Variants in TMEM94 observed in about 807,000 individuals in gnomAD.
TMEM94 encodes transmembrane protein 94, also known as ER Mg2+ ATPase.
Under a neutral mutation model 158.6 loss-of-function variants are expected in TMEM94, and 81 were observed. The observed-to-expected ratio is 0.51, with a 90% CI of 0.43 to 0.61. The LOEUF is 0.61. TMEM94 is among the 20% of genes least tolerant of loss of function. The pLI is 0.00. For missense variants in TMEM94, 1,435 were observed against 1,762.0 expected (o/e 0.81, Z 3.32); for synonymous variants, 751 against 730.7 (o/e 1.03, Z -0.45).
At chr17:75,475,169 G>T (rs1251433298) in intron 2 of TMEM94, among the ~76,000 whole-genome samples, 1 of 152,182 alleles carries the variant, frequency 6.6e-6, no homozygotes, top group Non-Finnish European at 1.5e-5. Flanking sequence ...CCTCACAGTG[G>T]CTGGCGTGGA....
chr17:75,471,888 C>T lies in TMEM94; in HGVS notation c.-18C>T, dbSNP rs771387092. On this transcript the variant is annotated 5_prime_UTR_variant, in exon 2 of 32. Coordinates refer to ENST00000314256, the MANE Select transcript of TMEM94 (RefSeq NM_014738.6). ...GGTGACCACATTCATCTGGGCATGCCTGCAGTACTCTTGGCCCATGGACCT... is the reference window on the plus strand; with the variant it reads ...GGTGACCACATTCATCTGGGCATGCTTGCAGTACTCTTGGCCCATGGACCT... 6.8e-6 allele frequency: 11 copies of T among 1,613,878 alleles called. No individual in the cohort carries two copies. In the South Asian group the frequency reaches 1.2e-4, roughly 18 times the overall value.
Position 75,492,872 on chromosome 17 carries a change from G to T in TMEM94, c.1913-57G>T. On this transcript the variant is annotated intron_variant, in intron 15 of 31. Transcript: ENST00000314256. This position sits in a 1 kb window ranked among gnomAD's most constrained non-coding sequence, Gnocchi z 4.4. ...GTACCAACTCCTCACGGGACTTAAT[G>T]GACCTGGCAGGGTATTGCCAGGGCA... The T allele has an allele frequency of 1.3e-6, 2 of 1,586,160 alleles. No homozygotes were observed. The highest frequency in any genetic ancestry group is 8.6e-7 in the Non-Finnish European group (1 of 1,164,220).
intron 2 of TMEM94, among the ~76,000 whole-genome samples, chr17:75,473,391 T>C (rs2050566036): frequency 6.6e-6 from 1 of 152,222 alleles, no homozygotes; most frequent in Non-Finnish European, 1.5e-5. Flanking sequence ...GCAAGGGCTC[T>C]GCACTGCTCA....
intron 16 of TMEM94, 28 bp from the exon 17 acceptor site, chr17:75,493,462 AC>A: frequency 6.2e-7 from 1 of 1,605,928 alleles, no homozygotes; most frequent in South Asian, 1.1e-5. Context: ...CTGGTTAGCG[AC>A]ACTCAGGGTT....
In TMEM94 at chr17:75,494,922, G is replaced by A; in HGVS notation, c.2616G>A (p.Glu872=). The A allele has an allele frequency of 6.2e-7, 1 of 1,613,498 alleles. No homozygotes were observed. The highest frequency in any genetic ancestry group is 8.5e-7 in the Non-Finnish European group (1 of 1,180,022). Reference sequence around the variant, plus strand: ...TGTTTGCAGAAAAAATGGGCCTGGAGACAGGCTGGAACTGCCACATCTCCC... The same window carrying A: ...TGTTTGCAGAAAAAATGGGCCTGGAAACAGGCTGGAACTGCCACATCTCCC... ...SKVFAEKMGL[E]TGWNCHISLT... Residue 872 remains glutamate (E), a synonymous_variant, in exon 20 of 32, where the codon GAG becomes GAA. Transcript: ENST00000314256.
chr17:75,465,358 G>C lies in TMEM94; in HGVS notation c.-106-6442G>C, dbSNP rs369207114. 6.6e-5 allele frequency among the ~76,000 whole-genome samples: 10 copies of C among 151,888 alleles called. 1 individual carries two copies. Among genetic ancestry groups the C allele is most frequent in the African/African-American group, 2.4e-4 (10 of 41,410 alleles). ...TTGTTTCCCAATAATTAATGTTGTT[G>C]ACCATCTTTTCATATTCATATTGAC... On this transcript the variant is annotated intron_variant, in intron 1 of 31. Coordinates refer to ENST00000314256, the MANE Select transcript of TMEM94 (RefSeq NM_014738.6).
intron 2 of TMEM94, among the ~76,000 whole-genome samples, chr17:75,482,562 A>ATGTC (rs966232728): frequency 7.1e-6 from 1 of 141,070 alleles, no homozygotes; most frequent in Non-Finnish European, 1.5e-5. Context: ...GTATGTATGT[A>ATGTC]TGTATGTATA....
rs772368994 is a variant in TMEM94 at position 75,497,187 on chromosome 17, C to T, written c.3396C>T (p.Tyr1132=). 4 of 1,613,742 alleles carry T rather than the reference C, an allele frequency of 2.5e-6. No individual in the cohort carries two copies. Among genetic ancestry groups the T allele is most frequent in the Admixed American group, 3.3e-5 (2 of 60,008 alleles). ...TCCTGTGGCTGTCCTGCTTTTGCTA[C>T]CCTCTGCTCAGGTGAGATGCCATGT... ...TDILWLSCFC[Y]PLLSISLLGK... Residue 1132 remains tyrosine (Y), a synonymous_variant, in exon 26 of 32, where the codon TAC becomes TAT. Coordinates refer to ENST00000314256, the MANE Select transcript of TMEM94 (RefSeq NM_014738.6).
Position 75,489,644 on chromosome 17 carries a change from C to T in TMEM94, c.936C>T (p.Tyr312=), listed in dbSNP as rs763569013. Residue 312 remains tyrosine, a synonymous_variant, in exon 9 of 32, where the codon TAC becomes TAT. Transcript: ENST00000314256. This position sits in a 1 kb window ranked among gnomAD's most constrained non-coding sequence, Gnocchi z 5.0. ...FSAPGVTSWQ[Y]TLLQLQVNGV... ...CCCCGGGGGTCACTTCCTGGCAGTA[C>T]ACCCTCCTCCAGCTCCAGGCAAGGA... 77 of 1,613,638 alleles carry T rather than the reference C, an allele frequency of 4.8e-5. No homozygotes were observed. Among genetic ancestry groups the T allele is most frequent in the Non-Finnish European group, 6.2e-5 (73 of 1,179,782 alleles).
chr17:75,493,322 A>T, intron 16 of TMEM94, 169 bp from the exon 17 acceptor site: 2 of 837,742 alleles, frequency 2.4e-6, no homozygotes, highest in Non-Finnish European at 3.8e-6. Flanking sequence ...TGGTGTCTGC[A>T]TTCCAAGCCC....
intron 2 of TMEM94, among the ~76,000 whole-genome samples, chr17:75,484,745 A>T (rs192327567): frequency 1.1e-3 from 174 of 151,980 alleles, no homozygotes; most frequent in Non-Finnish European, 2.3e-3. Context: ...TTAAAAAAAG[A>T]TATATTTTAG....
intron 1 of TMEM94, among the ~76,000 whole-genome samples, chr17:75,462,420 G>T (rs550997394): frequency 6.6e-6 from 1 of 151,996 alleles, no homozygotes; most frequent in Non-Finnish European, 1.5e-5. Flanking sequence ...TTCTCTCAGG[G>T]TTAGAATTGT....
At chr17:75,484,302 CCCTCCCTCCCTCCCAA>C (rs1436772018) in intron 2 of TMEM94, among the ~76,000 whole-genome samples, 1 of 132,010 alleles carries the variant, frequency 7.6e-6, no homozygotes, top group African/African-American at 2.7e-5. Flanking sequence ...TTCCGTCCCT[CCCTCCCTCCCTCCCAA>C]CCTCCCTCCC....
intron 2 of TMEM94, among the ~76,000 whole-genome samples, chr17:75,478,000 C>T (rs983988628): frequency 1.3e-4 from 14 of 110,846 alleles, no homozygotes; most frequent in Non-Finnish European, 1.7e-4. Context: ...AGCGAGACTC[C>T]ATCTTTTTTT....
At position 75,490,740 on chromosome 17, in the gene TMEM94, G is replaced by A. The variant is rs764444485; in HGVS notation, c.1110G>A (p.Thr370=). Residue 370 remains threonine (T), a synonymous_variant, in exon 11 of 32, where the codon ACG becomes ACA. Coordinates refer to ENST00000314256, the MANE Select transcript of TMEM94 (RefSeq NM_014738.6). ...KFSEDTLSSY[T]EAVSSQEMLR... is the part of the protein sequence containing the mutation. Reference sequence around the variant, plus strand: ...CAGAGGATACTCTCAGCAGCTATACGGAGGCTGTCTCCTCTCAGGTACAAC... The same window carrying A: ...CAGAGGATACTCTCAGCAGCTATACAGAGGCTGTCTCCTCTCAGGTACAAC... The A allele has an allele frequency of 1.7e-5, 28 of 1,613,962 alleles. No individual in the cohort carries two copies. Among genetic ancestry groups the A allele is most frequent in the African/African-American group, 1.5e-4 (11 of 74,932 alleles).
chr17:75,461,468 G>A (rs1050814376), intron 1 of TMEM94, among the ~76,000 whole-genome samples: 2 of 151,950 alleles, frequency 1.3e-5, no homozygotes, highest in Non-Finnish European at 2.9e-5. Context: ...AGGCACAAAA[G>A]TATATGTATT....
At chr17:75,488,340 G>A (rs972279510) in intron 6 of TMEM94, among the ~76,000 whole-genome samples, 14 of 152,144 alleles carry the variant, frequency 9.2e-5, no homozygotes, top group Admixed American at 5.9e-4. Flanking sequence ...GCAGTGGCAC[G>A]ATCTCAACTC....
In TMEM94 at chr17:75,496,006, G is replaced by A. The variant is rs1213555296; in HGVS notation, c.2985G>A (p.Glu995=). ...TAAAGATCATGCAAGAGTACGGGGA[G>A]GTGACCTGCTGCCTGGGCAGCTCTG... ...EMIKIMQEYG[E]VTCCLGSSAN... The change falls in exon 23 of 32, where the codon GAG becomes GAA. Residue 995 remains glutamate (E), a synonymous_variant. Transcript: ENST00000314256. 8.1e-6 allele frequency: 13 copies of A among 1,613,500 alleles called. No individual in the cohort carries two copies. Among genetic ancestry groups the A allele is most frequent in the Non-Finnish European group, 1.1e-5 (13 of 1,179,996 alleles).
chr17:75,497,716 C>T, intron 26 of TMEM94, 65 bp from the exon 27 acceptor site: 1 of 1,376,038 alleles, frequency 7.3e-7, no homozygotes, highest in Non-Finnish European at 1.0e-6. Context: ...TAGAGGTTCC[C>T]TCTATGAGAA....
Sources: gnomAD v4.1 joint callset for allele counts (sites outside exome capture counted in the v4.1 genomes callset) on GRCh38, gnomAD v4.1.1 for gene constraint, Gnocchi (gnomAD v3.1) non-coding constraint, MANE v1.5 for transcripts, NCBI Gene and HGNC (gene_info 2026-07-23, HGNC 2026-07-21) for gene names.